The following ZEB1 variants were observed in gnomAD, a reference collection of about 807,000 sequenced individuals.
ZEB1 encodes zinc finger E-box binding homeobox 1.
Under a neutral mutation model 84.9 loss-of-function variants are expected in ZEB1, and 21 were observed. The observed-to-expected ratio is 0.25, with a 90% CI of 0.18 to 0.36. The LOEUF is 0.36. Ranked by LOEUF, ZEB1 falls within the 10% of genes least tolerant of loss-of-function variation. The pLI is 1.00. For synonymous variants in ZEB1, 420 were observed against 471.1 expected, an observed-to-expected ratio of 0.89 and a Z score of 1.41; for missense variants, 1,104 against 1,330.2, an observed-to-expected ratio of 0.83 and a Z score of 2.65.
At chr10:31,430,460 T>C (rs563272966) in intron 1 of ZEB1, among the ~76,000 whole-genome samples, 1 of 152,358 alleles carries the variant, frequency 6.6e-6, no homozygotes, top group East Asian at 1.9e-4. Flanking sequence ...CATCTTAGAC[T>C]GCCACTACCT....
chr10:31,381,985 T>A (rs1590630331), intron 1 of ZEB1, among the ~76,000 whole-genome samples: 1 of 116,214 alleles, frequency 8.6e-6, no homozygotes, highest in East Asian at 2.7e-4. Flanking sequence ...CACTCCAGAC[T>A]GGGCGACAGT....
chr10:31,392,860 G>A lies in ZEB1; in HGVS notation c.59-68177G>A, dbSNP rs1446582927. The stretch of plus-strand genomic sequence containing the variant: ...ATATTTTTTTGTTTGTTTGAGACAA[G>A]GTCTCACTCTGTCACCCAGCCTAGA... On this transcript the variant is annotated intron_variant, in intron 1 of 8. Coordinates refer to ENST00000424869, the MANE Select transcript of ZEB1 (RefSeq NM_001174096.2). 5.3e-5 allele frequency among the ~76,000 whole-genome samples: 8 copies of A among 151,794 alleles called. No individual in the cohort carries two copies. In the East Asian group the frequency reaches 1.5e-3, roughly 29 times the overall value.
intron 1 of ZEB1, among the ~76,000 whole-genome samples, chr10:31,356,603 C>G (rs2042167067): frequency 6.6e-6 from 1 of 152,072 alleles, no homozygotes; most frequent in Non-Finnish European, 1.5e-5. Context: ...CCGGAGGAAA[C>G]ATTTTGGAAA....
intron 3 of ZEB1, among the ~76,000 whole-genome samples, chr10:31,500,556 C>T (rs77266257): frequency 0.016 from 2,458 of 152,198 alleles, 64 homozygotes; most frequent in African/African-American, 0.057. Flanking sequence ...TCTCTGTTGC[C>T]TTGATTTGTC....
In ZEB1 at chr10:31,413,879, C is replaced by CTG. The variant is rs562379700; in HGVS notation, c.59-47154_59-47153dup. ...AAAATTTCTTGGTCTTTCTGCCAAT[C>CTG]TGTGTTTCTAACTGACCCTAAACAG... On this transcript the variant is annotated intron_variant, in intron 1 of 8. Coordinates refer to ENST00000424869, the MANE Select transcript of ZEB1 (RefSeq NM_001174096.2). 1.6e-3 allele frequency among the ~76,000 whole-genome samples: 238 copies of CTG among 152,250 alleles called. 1 individual carries two copies. The highest frequency in any genetic ancestry group is 4.8e-3 in the African/African-American group (199 of 41,532).
At chr10:31,417,979 C>A (rs529973602) in intron 1 of ZEB1, among the ~76,000 whole-genome samples, 1 of 152,038 alleles carries the variant, frequency 6.6e-6, no homozygotes, top group South Asian at 2.1e-4. Flanking sequence ...GTATAGAGTA[C>A]CTAGTCTCTT....
chr10:31,440,919 A>G (rs956803719), intron 1 of ZEB1, among the ~76,000 whole-genome samples: 1 of 152,222 alleles, frequency 6.6e-6, no homozygotes, highest in African/African-American at 2.4e-5. Flanking sequence ...ATACAAACAA[A>G]TGGAAGAACA....
intron 1 of ZEB1, among the ~76,000 whole-genome samples, chr10:31,350,643 T>C (rs547585321): frequency 7.0e-4 from 107 of 152,312 alleles, no homozygotes; most frequent in African/African-American, 2.4e-3. Context: ...TTGACATGTC[T>C]ATAATTAGCT....
chr10:31,408,411 A>C (rs529873441), intron 1 of ZEB1, among the ~76,000 whole-genome samples: 34 of 152,082 alleles, frequency 2.2e-4, no homozygotes, highest in South Asian at 1.0e-3. Flanking sequence ...GTTCATATGG[A>C]ACCAGAAAAG....
At chr10:31,479,388 C>G (rs547043815) in intron 2 of ZEB1, among the ~76,000 whole-genome samples, 3 of 151,834 alleles carry the variant, frequency 2.0e-5, no homozygotes, top group Non-Finnish European at 4.4e-5. Context: ...TAAAGGAATA[C>G]TGCCAAAGTC....
At chr10:31,382,308 T>C (rs1008620850) in intron 1 of ZEB1, among the ~76,000 whole-genome samples, 1 of 152,204 alleles carries the variant, frequency 6.6e-6, no homozygotes, top group Non-Finnish European at 1.5e-5. Flanking sequence ...GAACATGCTA[T>C]CTATGTTCAT....
At chr10:31,374,891 G>C (rs1269131375) in intron 1 of ZEB1, 1 of 151,764 alleles carries the variant, frequency 6.6e-6, no homozygotes, top group Non-Finnish European at 1.5e-5. Context: ...AGGATTTCAA[G>C]AAGGAAAGCC....
upstream of ZEB1, chr10:31,319,154 G>C: frequency 2.2e-6 from 2 of 917,682 alleles, no homozygotes; most frequent in South Asian, 1.4e-5. Context: ...GAGGGGGGAG[G>C]GGTGGAGGCG....
In ZEB1 at chr10:31,528,485, A is replaced by G. The variant is rs1222369415; in HGVS notation, c.*1221A>G. The stretch of plus-strand genomic sequence containing the variant: ...TTATTATGGACCCAATTTATTAACA[A>G]CATTAGCTGATTTTTACCTATCAGT... On this transcript the variant is annotated 3_prime_UTR_variant, in exon 9 of 9. Transcript: ENST00000424869. 1.3e-5 allele frequency: 2 copies of G among 152,192 alleles called. No individual in the cohort carries two copies. The highest frequency in any genetic ancestry group is 4.8e-5 in the African/African-American group (2 of 41,436). 9.4% of individuals were successfully genotyped at this position (152,192 alleles called of 1,614,324 possible).
At chr10:31,405,410 C>T (rs1014362766) in intron 1 of ZEB1, among the ~76,000 whole-genome samples, 5 of 152,168 alleles carry the variant, frequency 3.3e-5, no homozygotes, top group African/African-American at 4.8e-5. Context: ...TTACCTACTA[C>T]GTGCTGGGCT....
chr10:31,510,404 A>G (rs926513477), intron 4 of ZEB1, among the ~76,000 whole-genome samples: 1 of 152,198 alleles, frequency 6.6e-6, no homozygotes, highest in African/African-American at 2.4e-5. Context: ...TTAGGGAAAA[A>G]GAATGGGACT....
chr10:31,381,333 C>A (rs1317470781), intron 1 of ZEB1, among the ~76,000 whole-genome samples: 1 of 152,080 alleles, frequency 6.6e-6, no homozygotes, highest in Non-Finnish European at 1.5e-5. Context: ...ATGTGAAAAT[C>A]ATTCTGGGAA....
At chr10:31,361,129 GA>G (rs1240484695) in intron 1 of ZEB1, 1 of 1,611,870 alleles carries the variant, frequency 6.2e-7, no homozygotes, top group Non-Finnish European at 8.5e-7. Flanking sequence ...GGAAAAAGAA[GA>G]ACTGATTGAA....
At chr10:31,363,252 A>G (rs1564595450) in intron 1 of ZEB1, 1 of 1,533,714 alleles carries the variant, frequency 6.5e-7, no homozygotes, top group East Asian at 2.4e-5. Context: ...AGCAGCCCGG[A>G]ACTGGGGCAG....
Sources: gnomAD v4.1 joint callset for allele counts (sites outside exome capture counted in the v4.1 genomes callset) on GRCh38, gnomAD v4.1.1 for gene constraint, MANE v1.5 for transcripts, NCBI Gene and HGNC (gene_info 2026-07-23, HGNC 2026-07-21) for gene names.